The following SETBP1 variants were observed in gnomAD, a reference collection of about 807,000 sequenced individuals.
SETBP1 encodes the protein SET-binding protein.
SETBP1 carries 9 observed loss-of-function variants against 101.0 expected under a neutral mutation model. The ratio of observed to expected loss-of-function variants is 0.09; its 90% CI spans 0.05 to 0.16. The LOEUF is 0.16. SETBP1 is among the 10% of genes least tolerant of loss of function. The pLI is 1.00. For missense variants in SETBP1, 1,858 were observed against 2,033.8 expected (o/e 0.91, Z 1.66); for synonymous variants, 818 against 788.5 (o/e 1.04, Z -0.63).
intron 5 of SETBP1, among the ~76,000 whole-genome samples, chr18:45,047,334 G>T (rs2073632828): frequency 6.6e-6 from 1 of 152,182 alleles, no homozygotes; most frequent in South Asian, 2.1e-4. Context: ...AAATGGGAGA[G>T]AATGAAAGGA....
intron 2 of SETBP1, among the ~76,000 whole-genome samples, chr18:44,758,071 A>G (rs1337944378): frequency 6.6e-6 from 1 of 152,120 alleles, no homozygotes; most frequent in Non-Finnish European, 1.5e-5. Context: ...GAGAACAGGG[A>G]AATCCCAGCT....
chr18:44,844,564 C>G (rs145118971), intron 2 of SETBP1, among the ~76,000 whole-genome samples: 354 of 152,292 alleles, frequency 2.3e-3, no homozygotes, highest in African/African-American at 8.2e-3. Context: ...GTTAATAAGG[C>G]CAGAGCTGGG....
chr18:44,887,212 G>A (rs1392241901), intron 3 of SETBP1, among the ~76,000 whole-genome samples: 2 of 152,140 alleles, frequency 1.3e-5, no homozygotes, highest in African/African-American at 2.4e-5. Context: ...ATGATACAAC[G>A]TAGGTGCCCA....
chr18:44,940,419 T>C (rs1395893149), intron 3 of SETBP1, among the ~76,000 whole-genome samples: 1 of 152,204 alleles, frequency 6.6e-6, no homozygotes, highest in African/African-American at 2.4e-5. Context: ...ATGTTGCTTG[T>C]ATTTTCTGTT....
chr18:44,816,962 G>A (rs921848750), intron 2 of SETBP1, among the ~76,000 whole-genome samples: 4 of 152,110 alleles, frequency 2.6e-5, no homozygotes, highest in African/African-American at 4.8e-5. Context: ...ATCTTCTGGG[G>A]CTTGTTGTGT....
intron 2 of SETBP1, among the ~76,000 whole-genome samples, chr18:44,814,841 T>G (rs2071942485): frequency 6.6e-6 from 1 of 152,200 alleles, no homozygotes; most frequent in Admixed American, 6.5e-5. Context: ...GATGAGCATT[T>G]TCTGGTAGGT....
intron 4 of SETBP1, among the ~76,000 whole-genome samples, chr18:45,029,643 A>C (rs200936753): frequency 0.3 from 45,898 of 152,064 alleles, 7,792 homozygotes; most frequent in South Asian, 0.39. Flanking sequence ...CCCACCCATG[A>C]GCATGGAATG....
intron 3 of SETBP1, chr18:44,870,639 C>T (rs1312363039): frequency 6.6e-6 from 1 of 152,110 alleles, no homozygotes; most frequent in Non-Finnish European, 1.5e-5. Flanking sequence ...AAAAGAAAAT[C>T]AACATTTACC....
intron 4 of SETBP1, among the ~76,000 whole-genome samples, chr18:44,961,770 A>G (rs1212956363): frequency 6.6e-6 from 1 of 152,182 alleles, no homozygotes; most frequent in Non-Finnish European, 1.5e-5. Context: ...ACAGGCACAT[A>G]GCTTTTGATC....
intron 4 of SETBP1, among the ~76,000 whole-genome samples, chr18:45,024,683 G>A (rs1349188881): frequency 6.6e-6 from 1 of 152,198 alleles, no homozygotes; most frequent in Non-Finnish European, 1.5e-5. Flanking sequence ...ACAATGCAGT[G>A]GTTGGAACCA....
At chr18:44,767,015 G>A (rs952603513) in intron 2 of SETBP1, among the ~76,000 whole-genome samples, 2 of 152,196 alleles carry the variant, frequency 1.3e-5, no homozygotes, top group Non-Finnish European at 2.9e-5. Context: ...ATGGAAGGGG[G>A]AGAATTTCCT....
chr18:44,919,651 T>G (rs1269930626), intron 3 of SETBP1, among the ~76,000 whole-genome samples: 1 of 151,714 alleles, frequency 6.6e-6, no homozygotes, highest in African/African-American at 2.4e-5. Context: ...CCCGGCTAGA[T>G]CCCCCCGTCT....
intron 2 of SETBP1, among the ~76,000 whole-genome samples, chr18:44,817,519 A>C (rs2072005540): frequency 6.6e-6 from 1 of 152,016 alleles, no homozygotes; most frequent in Non-Finnish European, 1.5e-5. Context: ...CCCCATCTCT[A>C]CTAAAAATAC....
chr18:44,714,227 C>T (rs1005032556), intron 2 of SETBP1, among the ~76,000 whole-genome samples: 3 of 151,724 alleles, frequency 2.0e-5, no homozygotes, highest in African/African-American at 7.3e-5. Context: ...GAGAAGGAGT[C>T]TTGCTCTGTC....
chr18:44,845,415 A>T (rs1377880241), intron 2 of SETBP1, among the ~76,000 whole-genome samples: 4 of 152,158 alleles, frequency 2.6e-5, no homozygotes, highest in Admixed American at 2.6e-4. Flanking sequence ...ACTTCATCTC[A>T]TTAACCTACA....
At chr18:45,024,009 G>A (rs2073119167) in intron 4 of SETBP1, among the ~76,000 whole-genome samples, 1 of 152,172 alleles carries the variant, frequency 6.6e-6, no homozygotes, top group African/African-American at 2.4e-5. Flanking sequence ...TTATCCACCA[G>A]CTGAAAACTT....
At chr18:44,928,905 C>G (rs190728175) in intron 3 of SETBP1, among the ~76,000 whole-genome samples, 8 of 152,136 alleles carry the variant, frequency 5.3e-5, no homozygotes. Flanking sequence ...ATGGTAGTTT[C>G]TTTTGCTGTG....
chr18:44,833,267 G>A (rs966477423), intron 2 of SETBP1, among the ~76,000 whole-genome samples: 15 of 152,240 alleles, frequency 9.9e-5, no homozygotes, highest in African/African-American at 3.4e-4. Context: ...TTTACTTTTA[G>A]AATGTTGGAA....
chr18:44,782,242 G>A (rs1462112205), intron 2 of SETBP1, among the ~76,000 whole-genome samples: 1 of 151,960 alleles, frequency 6.6e-6, no homozygotes, highest in Non-Finnish European at 1.5e-5. Flanking sequence ...GGGAATGAAA[G>A]GAAAAACAAG....
Sources: gnomAD v4.1 joint callset for allele counts (sites outside exome capture counted in the v4.1 genomes callset) on GRCh38, gnomAD v4.1.1 for gene constraint, MANE v1.5 for transcripts, NCBI Gene and HGNC (gene_info 2026-07-23, HGNC 2026-07-21) for gene names.